Variants in PTPDC1 observed in about 807,000 individuals in gnomAD.
PTPDC1 encodes the protein protein tyrosine phosphatase domain containing 1.
A neutral mutation model predicts 75.3 loss-of-function variants in PTPDC1; 53 were observed. The ratio of observed to expected loss-of-function variants is 0.70; its 90% CI spans 0.56 to 0.88. The LOEUF (loss-of-function observed/expected upper bound fraction) is 0.88. PTPDC1 is among the 40% of genes least tolerant of loss of function. The probability of loss-of-function intolerance (pLI) is 0.00; values close to 1 mark genes in which losing one functional copy is unlikely to be tolerated. For synonymous variants in PTPDC1, 349 were observed against 366.2 expected (o/e 0.95, Z 0.54); for missense variants, 925 against 998.6 (o/e 0.93, Z 0.99).
intron 1 of PTPDC1, among the ~76,000 whole-genome samples, chr9:94,040,400 T>C (rs1825395191): frequency 1.3e-5 from 2 of 152,184 alleles, no homozygotes; most frequent in South Asian, 4.1e-4. Context: ...AATGGTCTTA[T>C]TCCTGTTTTA....
At chr9:94,083,617 T>A (rs553186154), upstream of PTPDC1, among the ~76,000 whole-genome samples, 3 of 152,250 alleles carry the variant, frequency 2.0e-5, no homozygotes, top group Non-Finnish European at 2.9e-5. Flanking sequence ...CATTAGTGGT[T>A]GTTGCACTTT....
At chr9:94,094,775 TGTG>T (rs2118043412) in intron 4 of PTPDC1, among the ~76,000 whole-genome samples, 1 of 152,342 alleles carries the variant, frequency 6.6e-6, no homozygotes, top group East Asian at 1.9e-4. Flanking sequence ...GATATAATCT[TGTG>T]GTGCGCAGTT....
intron 1 of PTPDC1, among the ~76,000 whole-genome samples, chr9:94,050,193 T>C (rs930509748): frequency 1.3e-5 from 2 of 152,196 alleles, no homozygotes; most frequent in Admixed American, 6.5e-5. Context: ...TTTGATCATC[T>C]GAAGCCTTCT....
At chr9:94,076,255 C>T (rs749826612) in intron 2 of PTPDC1, among the ~76,000 whole-genome samples, 2 of 152,184 alleles carry the variant, frequency 1.3e-5, no homozygotes, top group Non-Finnish European at 2.9e-5. Context: ...CCACCTGCCT[C>T]AGCCTCCCAA....
intron 1 of PTPDC1, among the ~76,000 whole-genome samples, chr9:94,060,483 T>C (rs981871795): frequency 6.6e-6 from 1 of 152,228 alleles, no homozygotes; most frequent in African/African-American, 2.4e-5. Flanking sequence ...ACTTTTTAAA[T>C]AGTCATTGTG....
At chr9:94,096,520 TATTA>T (rs1827574055) in intron 5 of PTPDC1, among the ~76,000 whole-genome samples, 1 of 152,210 alleles carries the variant, frequency 6.6e-6, no homozygotes, top group African/African-American at 2.4e-5. Context: ...TTTACTTTAA[TATTA>T]ATTGACTGTT....
chr9:94,044,083 A>G lies in PTPDC1; in HGVS notation c.-7+12956A>G, dbSNP rs532060429. Among the ~76,000 whole-genome samples, 10 of 152,318 alleles carry G rather than the reference A, an allele frequency of 6.6e-5. No individual in the cohort carries two copies. In the South Asian group the frequency reaches 1.4e-3, roughly 22 times the overall value. ...TTTATATTAAGTCTTGAAATCAGGT[A>G]ATGTAAATCCTGCAACTTTGTTCTT... On this transcript the variant is annotated intron_variant, in intron 1 of 9. Transcript: ENST00000375360.
rs540755907 is a variant in PTPDC1, at chr9:94,048,552, G to A, written c.-6-16182G>A. On this transcript the variant is annotated intron_variant, in intron 1 of 9. Coordinates refer to the PTPDC1 transcript ENST00000375360. ...CTTAATCCTGAGTTCTATTTTGATT[G>A]CACTGTGGTCTGAGAGACAGTTTGT... Among the ~76,000 whole-genome samples, 133 of 152,264 alleles carry A rather than the reference G, an allele frequency of 8.7e-4. 1 individual carries two copies. The highest frequency in any genetic ancestry group is 3.2e-3 in the Admixed American group (49 of 15,288).
intron 2 of PTPDC1, among the ~76,000 whole-genome samples, chr9:94,071,581 T>C (rs528465166): frequency 6.6e-6 from 1 of 152,356 alleles, no homozygotes; most frequent in African/African-American, 2.4e-5. Flanking sequence ...CCTGAAGCTA[T>C]GTGAATGTGT....
intron 1 of PTPDC1, among the ~76,000 whole-genome samples, chr9:94,031,913 A>G (rs951406299): frequency 1.3e-5 from 2 of 152,104 alleles, no homozygotes. Flanking sequence ...GAACCGGAAA[A>G]CTCCGAGAGG....
intron 4 of PTPDC1, among the ~76,000 whole-genome samples, chr9:94,094,841 C>T (rs967182217): frequency 2.6e-5 from 4 of 152,230 alleles, no homozygotes; most frequent in Non-Finnish European, 2.9e-5. Context: ...CCCGACTTTC[C>T]AGGTGCCGTC....
At chr9:94,056,945 G>T (rs2118475743) in intron 1 of PTPDC1, among the ~76,000 whole-genome samples, 1 of 152,302 alleles carries the variant, frequency 6.6e-6, no homozygotes, top group Admixed American at 6.5e-5. Context: ...ACAGGAAATA[G>T]AAATAAATAA....
chr9:94,053,830 TTG>T (rs1317839598), intron 1 of PTPDC1, among the ~76,000 whole-genome samples: 1 of 152,234 alleles, frequency 6.6e-6, no homozygotes, highest in African/African-American at 2.4e-5. Context: ...GTGCTATTTC[TTG>T]TGTTTGTGTA....
Position 94,049,575 on chromosome 9 carries a change from A to G in PTPDC1, c.-6-15159A>G, listed in dbSNP as rs58181103. Among the ~76,000 whole-genome samples the G allele has an allele frequency of 6.0e-3, 919 of 152,288 alleles. 12 individuals are homozygous for G. The highest frequency in any genetic ancestry group is 0.021 in the African/African-American group (860 of 41,542). On this transcript the variant is annotated intron_variant, in intron 1 of 9. Coordinates refer to the PTPDC1 transcript ENST00000375360. ...CTTCTGGCTTGTAGAGTTTCTGCCGAGAGATCCGCTGTTAGTCTGATGGGC... is the reference window on the plus strand; with the variant it reads ...CTTCTGGCTTGTAGAGTTTCTGCCGGGAGATCCGCTGTTAGTCTGATGGGC...
intron 8 of PTPDC1, among the ~76,000 whole-genome samples, chr9:94,105,898 G>A (rs139143597): frequency 0.14 from 21,300 of 151,704 alleles, 1,667 homozygotes; most frequent in East Asian, 0.28. Flanking sequence ...GTGTGAACCC[G>A]GGAGGCGGAG....
At chr9:94,105,060 A>G (rs971978388) in intron 8 of PTPDC1, among the ~76,000 whole-genome samples, 1 of 152,234 alleles carries the variant, frequency 6.6e-6, no homozygotes, top group Non-Finnish European at 1.5e-5. Context: ...TTTGAATGAC[A>G]ACATCTGTGG....
In PTPDC1 at chr9:94,097,975, C is replaced by T; in HGVS notation, c.1409C>T (p.Ala470Val). The T allele has an allele frequency of 6.2e-7, 1 of 1,614,170 alleles. No individual in the cohort carries two copies. Among genetic ancestry groups the T allele is most frequent in the Non-Finnish European group, 8.5e-7 (1 of 1,180,024 alleles). ...GGGGAGACTCCACAGACAGTGCCTG[C>T]CCAGATCTTGGTTGGCCACAAGCCC... ...EQGETPQTVP[A>V]QILVGHKPRQ... is the part of the protein sequence containing the mutation. Residue 470 changes from alanine (A) to valine (V), a missense_variant, in exon 6 of 9, where the codon GCC becomes GTC. Ala to Val is a moderately conservative substitution (Grantham distance 64). Coordinates refer to ENST00000620992, the MANE Select transcript of PTPDC1 (RefSeq NM_001253829.2).
At chr9:94,039,981 T>C (rs1332981775) in intron 1 of PTPDC1, among the ~76,000 whole-genome samples, 1 of 152,106 alleles carries the variant, frequency 6.6e-6, no homozygotes. Context: ...TTGGGCAGCA[T>C]CCCATCTAAA....
intron 2 of PTPDC1, among the ~76,000 whole-genome samples, chr9:94,078,327 T>C (rs1564023242): frequency 6.6e-6 from 1 of 152,236 alleles, no homozygotes; most frequent in Non-Finnish European, 1.5e-5. Flanking sequence ...TTTGAATATG[T>C]CGTTCCTCTA....
Sources: gnomAD v4.1 joint callset for allele counts (sites outside exome capture counted in the v4.1 genomes callset) on GRCh38, gnomAD v4.1.1 for gene constraint, MANE v1.5 for transcripts, NCBI Gene and HGNC (gene_info 2026-07-23, HGNC 2026-07-21) for gene names.